Variants in MEST observed in about 807,000 individuals in gnomAD.
MEST encodes mesoderm specific transcript, also known as mesoderm-specific transcript homolog protein.
In MEST, 18 loss-of-function variants were observed where a neutral mutation model predicts 50.9. The observed-to-expected ratio is 0.35, with a 90% CI of 0.24 to 0.52. The LOEUF (loss-of-function observed/expected upper bound fraction) is 0.52. MEST is among the 20% of genes least tolerant of loss of function. The pLI is 0.94. For missense variants in MEST, 282 were observed against 425.3 expected (o/e 0.66, Z 2.96); for synonymous variants, 130 against 154.1 (o/e 0.84, Z 1.16).
In MEST at chr7:130,492,285, T is replaced by TGCG; in HGVS notation, c.-24_-22dup. On this transcript the variant is annotated 5_prime_UTR_variant, in exon 1 of 12. Coordinates refer to ENST00000223215, the MANE Select transcript of MEST (RefSeq NM_002402.4). The surrounding 1 kb of genome is among the most constrained non-coding windows in gnomAD (Gnocchi z 7.6). ...TGCGGCGCCCGGTGCTCTGCAACGCTGCGGCGGGCGGCATGGGATAACGCG... is the reference window on the plus strand; with the variant it reads ...TGCGGCGCCCGGTGCTCTGCAACGCTGCGGCGGCGGGCGGCATGGGATAACGCG... The TGCG allele has an allele frequency of 7.4e-7, 1 of 1,348,102 alleles. No individual in the cohort carries two copies. The highest frequency in any genetic ancestry group is 9.5e-7 in the Non-Finnish European group (1 of 1,050,980). The allele number at this position is 1,348,102 out of a possible 1,614,324, so 83.5% of individuals were successfully genotyped here.
upstream of MEST, chr7:130,487,258 G>A (rs1418995348): frequency 6.6e-6 from 1 of 152,130 alleles, no homozygotes; most frequent in Non-Finnish European, 1.5e-5. Flanking sequence ...ATGTGAAAGG[G>A]TAAAGAGCTA....
At chr7:130,495,043 A>T (rs1554436439) in intron 1 of MEST, among the ~76,000 whole-genome samples, 1 of 152,016 alleles carries the variant, frequency 6.6e-6, no homozygotes, top group Non-Finnish European at 1.5e-5. Context: ...TGTCCCTTTT[A>T]TTTATATAAA....
chr7:130,496,087 C>CTGAGAAACAGATTGGAAATGATTTGTTT, intron 2 of MEST: 2 of 470,646 alleles, frequency 4.2e-6, no homozygotes, highest in Non-Finnish European at 8.8e-6. Flanking sequence ...GGTGAAGAAA[C>CTGAGAAACAGATTGGAAATGATTTGTTT]TGAGAAACAG....
At chr7:130,496,266 G>A (rs3807348) in intron 2 of MEST, 218,222 of 426,802 alleles carry the variant, frequency 0.51, 57,790 homozygotes, top group East Asian at 0.6. Context: ...TACTGTTTTA[G>A]AAAACTAATG....
At position 130,495,521 on chromosome 7, in the gene MEST, A is replaced by C. The variant is rs531931220; in HGVS notation, c.180A>C (p.Gln60His). The C allele has an allele frequency of 2.5e-6, 4 of 1,613,722 alleles. No homozygotes were observed. In the South Asian group the frequency reaches 4.4e-5, roughly 18 times the overall value. The change falls in exon 2 of 12, where the codon CAA becomes CAC. Residue 60 changes from glutamine (Q) to histidine (H), a missense_variant and splice_region_variant. Gln to His is a conservative substitution (Grantham distance 24). Transcript: ENST00000223215. ...FTYKGLRIFY[Q>H]DSVGVVGSPE... ...ACAAGGGACTGCGTATCTTCTACCA[A>C]GGTAAGAAGTGGACTATTGGAAGTC...
chr7:130,500,232 TAA>T lies in MEST; in HGVS notation c.577-228_577-227del, dbSNP rs777574239. 6.6e-6 allele frequency among the ~76,000 whole-genome samples: 1 copy of T among 152,190 alleles called. No individual in the cohort carries two copies. Among genetic ancestry groups the T allele is most frequent in the Non-Finnish European group, 1.5e-5 (1 of 68,020 alleles). ...ACTCTAAACTTGAATATATCAGAGT[TAA>T]AGTTTTAGGGATTTAGTGAATTGTA... is the stretch of plus-strand genomic sequence containing the variant. On this transcript the variant is annotated intron_variant, in intron 7 of 11. Transcript: ENST00000223215. This position sits in a 1 kb window ranked among gnomAD's most constrained non-coding sequence, Gnocchi z 5.0.
At chr7:130,499,474 T>TA (rs1799195153) in intron 6 of MEST, among the ~76,000 whole-genome samples, 5 of 152,232 alleles carry the variant, frequency 3.3e-5, no homozygotes, top group African/African-American at 1.2e-4. Flanking sequence ...AGCCTGGTTA[T>TA]CAGCATTTTG....
chr7:130,504,490 C>A (rs1799399419), intron 11 of MEST, among the ~76,000 whole-genome samples: 1 of 152,122 alleles, frequency 6.6e-6, no homozygotes, highest in African/African-American at 2.4e-5. Context: ...ATGTTCCATA[C>A]CTTCCTGTGG....
At chr7:130,491,851 G>A (rs1412589330), upstream of MEST, among the ~76,000 whole-genome samples, 1 of 152,100 alleles carries the variant, frequency 6.6e-6, no homozygotes, top group Non-Finnish European at 1.5e-5. This position sits in a 1 kb window ranked among gnomAD's most constrained non-coding sequence, Gnocchi z 6.8. Flanking sequence ...CAGGGTTGGC[G>A]GTTAACGAGG....
At position 130,505,798 on chromosome 7, in the gene MEST, C is replaced by G. The variant is rs7658; in HGVS notation, c.*742C>G. On this transcript the variant is annotated 3_prime_UTR_variant, in exon 12 of 12. Coordinates refer to ENST00000223215, the MANE Select transcript of MEST (RefSeq NM_002402.4). ...AAATCCAAACTATTTCCTAAAATCA[C>G]AGGACATTAAGGACCAATAGCATCT... 1.0e-3 allele frequency: 154 copies of G among 152,332 alleles called. 1 individual carries two copies. Among genetic ancestry groups the G allele is most frequent in the African/African-American group, 3.5e-3 (145 of 41,572 alleles). The allele number at this position is 152,332 out of a possible 1,614,324, so 9.4% of individuals were successfully genotyped here.
rs782561481 is a variant in MEST, at chr7:130,498,320, AT to A, written c.476+47del. The stretch of plus-strand genomic sequence containing the variant: ...TCAGCTTATGATGCTAGGAAAGTAC[AT>A]TGTTTCTGGACTGTTTGTATCCTTT... On this transcript the variant is annotated intron_variant, in intron 5 of 11. Transcript: ENST00000223215. 2.5e-6 allele frequency: 4 copies of A among 1,611,644 alleles called. No homozygotes were observed. The African/African-American group carries it at 5.3e-5, about 22-fold the overall frequency.
rs782778040 is a variant in MEST, at chr7:130,499,891, T to C, written c.552T>C (p.Thr184=). The part of the protein sequence containing the change: ...CLSNGGIFPE[T]HRPLLLQKLL... ...CTTCTACAGGTATCTTTCCTGAGAC[T>C]CACCGTCCACTCCTTCTCCAAAAGG... The change falls in exon 7 of 12, where the codon ACT becomes ACC. Residue 184 remains threonine, a synonymous_variant. Coordinates refer to ENST00000223215, the MANE Select transcript of MEST (RefSeq NM_002402.4). 5.0e-6 allele frequency: 8 copies of C among 1,612,172 alleles called. No individual in the cohort carries two copies. The highest frequency in any genetic ancestry group is 5.9e-6 in the Non-Finnish European group (7 of 1,179,254).
intron 6 of MEST, 112 bp downstream of exon 6, chr7:130,498,589 T>C (rs1799159749): frequency 2.0e-6 from 2 of 995,270 alleles, no homozygotes; most frequent in Non-Finnish European, 1.6e-6. Flanking sequence ...ATAATTAAAC[T>C]ATGGGATCTC....
Position 130,497,337 on chromosome 7 carries a change from A to C in MEST, c.261+102A>C. 3 of 876,334 alleles carry C rather than the reference A, an allele frequency of 3.4e-6. No individual in the cohort carries two copies. The South Asian group carries it at 5.1e-5, about 15-fold the overall frequency. The allele number at this position is 876,334 out of a possible 1,614,324, so 54.3% of individuals were successfully genotyped here. A position where few individuals can be genotyped will look rare whatever the true frequency, so the allele number is the denominator to read the frequency against. ...TTTGGGAGGCTGAGGTGGGAGGATG[A>C]CCTGAGGTCAGGAGTTTGAGACCAG... is the stretch of plus-strand genomic sequence containing the variant. On this transcript the variant is annotated intron_variant, in intron 3 of 11. Transcript: ENST00000223215. The surrounding 1 kb of genome is among the most constrained non-coding windows in gnomAD (Gnocchi z 4.0).
chr7:130,498,415 C>G lies in MEST; in HGVS notation c.477-4C>G, dbSNP rs1554437736. 6.2e-7 allele frequency: 1 copy of G among 1,614,096 alleles called. No individual in the cohort carries two copies. On this transcript the variant is annotated splice_polypyrimidine_tract_variant and splice_region_variant and intron_variant, in intron 5 of 11. Coordinates refer to ENST00000223215, the MANE Select transcript of MEST (RefSeq NM_002402.4). ...ACATGTGTGTTTCCTCGTCTCCCTT[C>G]TAGGTACAAGCAGAATCGATCTGGT... is the stretch of plus-strand genomic sequence containing the variant.
chr7:130,505,766 T>C lies in MEST; in HGVS notation c.*710T>C, dbSNP rs1319100849. ...TAAACACATTTGGTTTCTGAATAAA[T>C]TGAACTAAATCCAAACTATTTCCTA... is the stretch of plus-strand genomic sequence containing the variant. On this transcript the variant is annotated 3_prime_UTR_variant, in exon 12 of 12. Coordinates refer to ENST00000223215, the MANE Select transcript of MEST (RefSeq NM_002402.4). The C allele has an allele frequency of 6.6e-6, 1 of 152,216 alleles. No individual in the cohort carries two copies. Among genetic ancestry groups the C allele is most frequent in the Non-Finnish European group, 1.5e-5 (1 of 68,044 alleles). The allele number at this position is 152,216 out of a possible 1,614,324, so 9.4% of individuals were successfully genotyped here.
intron 1 of MEST, chr7:130,494,901 A>G (rs1301728323): frequency 1.1e-6 from 1 of 939,124 alleles, no homozygotes; most frequent in African/African-American, 1.8e-5. Context: ...GCACATATAT[A>G]TTTTTTGAAC....
intron 2 of MEST, chr7:130,495,883 T>C (rs1799037711): frequency 3.4e-6 from 1 of 292,272 alleles, no homozygotes; most frequent in Non-Finnish European, 6.5e-6. Context: ...ATTTTTTCTG[T>C]AGATTATTTG....
In MEST at chr7:130,500,706, C is replaced by T; in HGVS notation, c.648-83C>T. On this transcript the variant is annotated intron_variant, in intron 8 of 11. Coordinates refer to ENST00000223215, the MANE Select transcript of MEST (RefSeq NM_002402.4). This position sits in a 1 kb window ranked among gnomAD's most constrained non-coding sequence, Gnocchi z 5.0. ...TATGGGTCAGACTGCATGGCCCAGA[C>T]TGCATGGCCTCTGAGGTTCCAGCCA... is the stretch of plus-strand genomic sequence containing the variant. The T allele has an allele frequency of 1.6e-6, 2 of 1,280,144 alleles. No homozygotes were observed. Among genetic ancestry groups the T allele is most frequent in the Non-Finnish European group, 2.2e-6 (2 of 909,778 alleles). The allele number at this position is 1,280,144 out of a possible 1,614,324, so 79.3% of individuals were successfully genotyped here. A position where few individuals can be genotyped will look rare whatever the true frequency, so the allele number is the denominator to read the frequency against.
Sources: allele counts gnomAD v4.1 joint callset (sites outside exome capture counted in the v4.1 genomes callset), GRCh38; gene constraint gnomAD v4.1.1; non-coding constraint Gnocchi (gnomAD v3.1); transcripts MANE v1.5; gene names NCBI Gene and HGNC (gene_info 2026-07-23, HGNC 2026-07-21).